NALF1: variants seen among roughly 807,000 people sequenced by gnomAD.
The protein encoded by NALF1 is family with sequence similarity 155 member A.
Under a neutral mutation model 48.4 loss-of-function variants are expected in NALF1, and 3 were observed. The ratio of observed to expected loss-of-function variants is 0.06; its 90% CI spans 0.03 to 0.16. The LOEUF (loss-of-function observed/expected upper bound fraction) is 0.16, where lower values mean the gene tolerates loss of function less well. Ranked by LOEUF, NALF1 falls within the 10% of genes least tolerant of loss-of-function variation. The probability of loss-of-function intolerance (pLI) is 1.00; values close to 1 mark genes in which losing one functional copy is unlikely to be tolerated. For synonymous variants in NALF1, 262 were observed against 245.7 expected (o/e 1.07, Z -0.62); for missense variants, 526 against 571.5 (o/e 0.92, Z 0.81).
intron 1 of NALF1, among the ~76,000 whole-genome samples, chr13:107,850,437 T>G (rs148086628): frequency 6.6e-6 from 1 of 152,222 alleles, no homozygotes; most frequent in Admixed American, 6.5e-5. Context: ...TTTATATTGG[T>G]TTCTATTATA....
intron 1 of NALF1, among the ~76,000 whole-genome samples, chr13:107,773,307 C>A (rs138931166): frequency 2.6e-5 from 4 of 152,234 alleles, no homozygotes; most frequent in Non-Finnish European, 4.4e-5. Flanking sequence ...TATCTTGATA[C>A]ACATGATAAA....
At chr13:107,265,890 G>A (rs965077824) in intron 1 of NALF1, among the ~76,000 whole-genome samples, 6 of 152,068 alleles carry the variant, frequency 3.9e-5, no homozygotes, top group Non-Finnish European at 5.9e-5. Context: ...AATCAGTACC[G>A]TAGCATCTGT....
intron 1 of NALF1, among the ~76,000 whole-genome samples, chr13:107,785,891 C>G (rs965003679): frequency 6.6e-6 from 1 of 152,000 alleles, no homozygotes; most frequent in Non-Finnish European, 1.5e-5. Flanking sequence ...CAAATTGGGA[C>G]AATGTGAGGA....
rs371115868 is a variant in NALF1 at position 107,741,769 on chromosome 13, C to T, written c.915+123913G>A. On this transcript the variant is annotated intron_variant, in intron 1 of 2. Transcript: ENST00000375915. ...TGAGAAACTGGCTGAGATAATTTGG[C>T]TCATGAGGACCTCTGAAGGAGAGAA... 5.3e-5 allele frequency among the ~76,000 whole-genome samples: 8 copies of T among 152,120 alleles called. No homozygotes were observed. In the East Asian group the frequency reaches 1.4e-3, roughly 26 times the overall value.
intron 1 of NALF1, among the ~76,000 whole-genome samples, chr13:107,752,737 T>A (rs1333284010): frequency 1.3e-5 from 2 of 152,182 alleles, no homozygotes; most frequent in Non-Finnish European, 2.9e-5. Flanking sequence ...CACAGTAAAC[T>A]CATCACCTTT....
chr13:107,499,959 A>G (rs1594096471), intron 1 of NALF1, among the ~76,000 whole-genome samples: 2 of 152,292 alleles, frequency 1.3e-5, no homozygotes, highest in East Asian at 3.9e-4. Flanking sequence ...CTAATATTCC[A>G]TTTAAAACGT....
At chr13:107,664,850 G>C (rs1880817112) in intron 1 of NALF1, among the ~76,000 whole-genome samples, 1 of 152,024 alleles carries the variant, frequency 6.6e-6, no homozygotes, top group Non-Finnish European at 1.5e-5. Context: ...AGGGTACCTT[G>C]AATTTGGTGT....
At chr13:107,444,666 C>T (rs1032413582) in intron 1 of NALF1, among the ~76,000 whole-genome samples, 3 of 152,062 alleles carry the variant, frequency 2.0e-5, no homozygotes, top group African/African-American at 7.2e-5. Flanking sequence ...CAGCTTTTTC[C>T]CACTTTTCAC....
chr13:107,607,271 C>T (rs1050968560), intron 1 of NALF1, among the ~76,000 whole-genome samples: 4 of 151,888 alleles, frequency 2.6e-5, no homozygotes, highest in African/African-American at 7.3e-5. Flanking sequence ...AATTTAAGTA[C>T]GCAGGTCTTA....
intron 1 of NALF1, among the ~76,000 whole-genome samples, chr13:107,638,207 A>ATATATATATATATATATATATGT (rs533265281): frequency 7.0e-6 from 1 of 142,632 alleles, no homozygotes; most frequent in African/African-American, 2.5e-5. Flanking sequence ...ATATATATAT[A>ATATATATATATATATATATATGT]ATTTAAGATG....
At chr13:107,709,940 G>T (rs1027400641) in intron 1 of NALF1, among the ~76,000 whole-genome samples, 1 of 152,052 alleles carries the variant, frequency 6.6e-6, no homozygotes, top group African/African-American at 2.4e-5. Context: ...GATTTAATTG[G>T]AAAGAGCTCA....
intron 1 of NALF1, among the ~76,000 whole-genome samples, chr13:107,864,988 GATAA>G (rs1327033591): frequency 6.6e-6 from 1 of 152,166 alleles, no homozygotes; most frequent in African/African-American, 2.4e-5. Flanking sequence ...TAGTGTGTCT[GATAA>G]ATAGCCTATT....
In NALF1 at chr13:107,844,630, G is replaced by A. The variant is rs574391208; in HGVS notation, c.915+21052C>T. Among the ~76,000 whole-genome samples the A allele has an allele frequency of 4.1e-4, 62 of 152,250 alleles. 1 individual carries two copies. The highest frequency in any genetic ancestry group is 2.7e-3 in the Admixed American group (42 of 15,286). ...GCTAATCATAATATAGTAATTGTAT[G>A]AATCATCCTTTGATTTGAAGAAATC... is the stretch of plus-strand genomic sequence containing the variant. On this transcript the variant is annotated intron_variant, in intron 1 of 2. Transcript: ENST00000375915.
chr13:107,855,064 C>G (rs901755266), intron 1 of NALF1, among the ~76,000 whole-genome samples: 5 of 152,190 alleles, frequency 3.3e-5, no homozygotes, highest in Admixed American at 2.6e-4. Context: ...TGAGGTGTAG[C>G]AGGGAGTGGT....
At chr13:107,223,695 G>A (rs1223696776) in intron 1 of NALF1, among the ~76,000 whole-genome samples, 9 of 152,278 alleles carry the variant, frequency 5.9e-5, no homozygotes, top group Admixed American at 4.6e-4. Flanking sequence ...ACTTGCTGCG[G>A]TCTAACCCCT....
intron 1 of NALF1, among the ~76,000 whole-genome samples, chr13:107,589,948 C>T (rs1436497765): frequency 6.6e-6 from 1 of 151,956 alleles, no homozygotes; most frequent in Non-Finnish European, 1.5e-5. Context: ...GCACTTCCAC[C>T]ACTTCTATTA....
intron 1 of NALF1, among the ~76,000 whole-genome samples, chr13:107,621,996 GTT>G (rs34784565): frequency 2.7e-5 from 4 of 150,034 alleles, no homozygotes; most frequent in Non-Finnish European, 5.9e-5. Context: ...CCACAAAGCA[GTT>G]TTTTTTTTCT....
At chr13:107,753,896 C>G (rs1361158758) in intron 1 of NALF1, among the ~76,000 whole-genome samples, 1 of 152,058 alleles carries the variant, frequency 6.6e-6, no homozygotes, top group Non-Finnish European at 1.5e-5. Context: ...CATTTGGTTG[C>G]AGATGAGAAA....
intron 1 of NALF1, among the ~76,000 whole-genome samples, chr13:107,573,686 G>GA (rs1878054256): frequency 6.6e-6 from 1 of 152,092 alleles, no homozygotes; most frequent in Non-Finnish European, 1.5e-5. Flanking sequence ...CATGTCATGG[G>GA]GGGGACCTGG....
Sources: gnomAD v4.1 joint callset for allele counts (sites outside exome capture counted in the v4.1 genomes callset) on GRCh38, gnomAD v4.1.1 for gene constraint, MANE v1.5 for transcripts, NCBI Gene and HGNC (gene_info 2026-07-23, HGNC 2026-07-21) for gene names.